Variants in PARVA observed in about 807,000 individuals in gnomAD.
PARVA encodes the protein parvin alpha, also known as alpha-parvin.
In PARVA, 25 loss-of-function variants were observed where a neutral mutation model predicts 52.6. The observed-to-expected ratio is 0.48, with a 90% CI of 0.35 to 0.66. The LOEUF (loss-of-function observed/expected upper bound fraction) is 0.66. PARVA is among the 30% of genes least tolerant of loss of function. PARVA has a pLI of 0.01. For missense variants in PARVA, 373 were observed against 450.9 expected (o/e 0.83, Z 1.56); for synonymous variants, 185 against 179.1 (o/e 1.03, Z -0.26).
intron 1 of PARVA, among the ~76,000 whole-genome samples, chr11:12,470,093 C>G (rs1378747898): frequency 1.3e-5 from 2 of 152,242 alleles, no homozygotes. Flanking sequence ...TGCGTACGCA[C>G]ATGTGCGCAC....
intron 1 of PARVA, among the ~76,000 whole-genome samples, chr11:12,398,732 A>C (rs552929828): frequency 6.6e-6 from 1 of 152,074 alleles, no homozygotes; most frequent in South Asian, 2.1e-4. Flanking sequence ...TAAGGAGCTA[A>C]TTCATGTTAA....
At position 12,418,090 on chromosome 11, in the gene PARVA, C is replaced by T. The variant is rs1257313501; in HGVS notation, c.136+40307C>T. Reference sequence around the variant, plus strand: ...CATTGGAAGGTTCCTGCTGGCACCCCCACTGGGCTCAGATAAGAATCAGGA... The same window carrying T: ...CATTGGAAGGTTCCTGCTGGCACCCTCACTGGGCTCAGATAAGAATCAGGA... On this transcript the variant is annotated intron_variant, in intron 1 of 12. Coordinates refer to ENST00000334956, the MANE Select transcript of PARVA (RefSeq NM_018222.5). 2.6e-5 allele frequency among the ~76,000 whole-genome samples: 4 copies of T among 152,226 alleles called. No homozygotes were observed. The East Asian group carries it at 7.7e-4, about 29-fold the overall frequency.
At chr11:12,505,349 G>A (rs7126366) in intron 6 of PARVA, among the ~76,000 whole-genome samples, 5,142 of 152,286 alleles carry the variant, frequency 0.034, 263 homozygotes, top group African/African-American at 0.11. Flanking sequence ...ACTTTGCCCT[G>A]TCAGACCAGG....
intron 4 of PARVA, among the ~76,000 whole-genome samples, chr11:12,490,233 G>T (rs1209719388): frequency 8.2e-6 from 1 of 121,886 alleles, no homozygotes; most frequent in Non-Finnish European, 1.8e-5. Flanking sequence ...AAAAAAAAAA[G>T]TTAGGAGAGG....
intron 1 of PARVA, among the ~76,000 whole-genome samples, chr11:12,426,006 A>G (rs1589953032): frequency 1.3e-4 from 1 of 7,992 alleles, no homozygotes; most frequent in Non-Finnish European, 5.9e-3. Flanking sequence ...CATTCATTCA[A>G]CAGATGATTG....
chr11:12,395,606 AC>A (rs1288338657), intron 1 of PARVA, among the ~76,000 whole-genome samples: 1 of 152,188 alleles, frequency 6.6e-6, no homozygotes, highest in Admixed American at 6.5e-5. Context: ...CTTGAAAGGT[AC>A]GGTGCGGCCC....
In PARVA at chr11:12,527,917, G is replaced by C; in HGVS notation, c.1111G>C (p.Val371Leu). 1 of 1,611,620 alleles carries C rather than the reference G, an allele frequency of 6.2e-7. No homozygotes were observed. Among genetic ancestry groups the C allele is most frequent in the South Asian group, 1.1e-5 (1 of 91,006 alleles). The change falls in exon 13 of 13, where the codon GTG becomes CTG. Residue 371 changes from valine (V) to leucine (L), a missense_variant. Coordinates refer to ENST00000334956, the MANE Select transcript of PARVA (RefSeq NM_018222.5). ...LYNLFTKYRNVE is the reference protein window; with the variant it reads ...LYNLFTKYRNLE The stretch of plus-strand genomic sequence containing the variant: ...CAACCTCTTCACCAAGTACCGTAAC[G>C]TGGAGTGAGGGGCTGCCCTGGGCCC...
At chr11:12,383,317 G>A (rs531979643) in intron 1 of PARVA, among the ~76,000 whole-genome samples, 6 of 152,256 alleles carry the variant, frequency 3.9e-5, no homozygotes, top group African/African-American at 1.4e-4. Context: ...TCCTCAAGAC[G>A]TGCTCTTTCA....
At chr11:12,491,251 C>A (rs1564861048) in intron 4 of PARVA, among the ~76,000 whole-genome samples, 1 of 152,188 alleles carries the variant, frequency 6.6e-6, no homozygotes, top group African/African-American at 2.4e-5. Context: ...TAGCCTCTAC[C>A]TCCCAGGCTC....
At chr11:12,520,281 A>G (rs1328917874) in intron 12 of PARVA, among the ~76,000 whole-genome samples, 1 of 152,254 alleles carries the variant, frequency 6.6e-6, no homozygotes, top group Non-Finnish European at 1.5e-5. Flanking sequence ...GGGAATGGAA[A>G]TAGCATTTTA....
At chr11:12,504,597 T>C (rs1941410160) in intron 6 of PARVA, among the ~76,000 whole-genome samples, 168 bp downstream of exon 6, 1 of 152,200 alleles carries the variant, frequency 6.6e-6, no homozygotes, top group Admixed American at 6.5e-5. Flanking sequence ...GCATGTTGGC[T>C]TCCCCTGGTA....
intron 1 of PARVA, among the ~76,000 whole-genome samples, chr11:12,420,647 A>G (rs901819280): frequency 6.6e-6 from 1 of 152,234 alleles, no homozygotes; most frequent in Admixed American, 6.5e-5. Context: ...TTTTTAGTGG[A>G]TGATGAGAAT....
chr11:12,496,361 T>TGAGTGCATGCATGCAA, intron 4 of PARVA, 97 bp from the exon 5 acceptor site: 1 of 1,217,472 alleles, frequency 8.2e-7, no homozygotes, highest in Non-Finnish European at 1.1e-6. Context: ...CATGCATGCA[T>TGAGTGCATGCATGCAA]GAGTGCATGA....
At chr11:12,413,952 C>T (rs902516690) in intron 1 of PARVA, among the ~76,000 whole-genome samples, 9 of 152,224 alleles carry the variant, frequency 5.9e-5, no homozygotes, top group Admixed American at 4.6e-4. Flanking sequence ...ACTTTTGTCT[C>T]ATGCCATAGC....
At chr11:12,393,044 GAAAA>G (rs60966710) in intron 1 of PARVA, among the ~76,000 whole-genome samples, 1,502 of 46,044 alleles carry the variant, frequency 0.033, 17 homozygotes, top group African/African-American at 0.083. Flanking sequence ...CCCAAATTGT[GAAAA>G]AAAAAAAAAA....
Position 12,477,883 on chromosome 11 carries a change from G to A in PARVA, c.334G>A (p.Glu112Lys), listed in dbSNP as rs1378439774. ...CTGGATTAATGATGTGTTGGTTGGAGAAAGAATCATTGTGAAAGACCTAGC... is the reference window on the plus strand; with the variant it reads ...CTGGATTAATGATGTGTTGGTTGGAAAAAGAATCATTGTGAAAGACCTAGC... ...IDWINDVLVG[E>K]RIIVKDLAED... The change falls in exon 4 of 13, where the codon GAA (glutamate) becomes AAA (lysine). Residue 112 changes from glutamate to lysine, a missense_variant. Transcript: ENST00000334956. 8.7e-6 allele frequency: 14 copies of A among 1,608,914 alleles called. No individual in the cohort carries two copies. The highest frequency in any genetic ancestry group is 1.2e-5 in the Non-Finnish European group (14 of 1,175,396).
At chr11:12,471,418 T>C (rs1465881509) in intron 1 of PARVA, among the ~76,000 whole-genome samples, 1 of 152,206 alleles carries the variant, frequency 6.6e-6, no homozygotes, top group East Asian at 1.9e-4. Flanking sequence ...GTTTGTTACA[T>C]AGGCAAACTT....
At chr11:12,468,490 A>G (rs766741649) in intron 1 of PARVA, among the ~76,000 whole-genome samples, 4 of 152,162 alleles carry the variant, frequency 2.6e-5, no homozygotes, top group Admixed American at 6.5e-5. Context: ...GGGGGAAATT[A>G]CCATTCATTG....
At position 12,377,708 on chromosome 11, in the gene PARVA, C is replaced by G. The variant is rs753342433; in HGVS notation, c.61C>G (p.Pro21Ala). 2 of 1,566,390 alleles carry G rather than the reference C, an allele frequency of 1.3e-6. No individual in the cohort carries two copies. Among genetic ancestry groups the G allele is most frequent in the Non-Finnish European group, 1.7e-6 (2 of 1,161,074 alleles). The change falls in exon 1 of 13, where the codon CCG becomes GCG. Residue 21 changes from proline to alanine, a missense_variant. Pro to Ala is a conservative substitution (Grantham distance 27). Transcript: ENST00000334956. ...CAAGTCTCCCACTCCCAAGTCGCCCCCGTCCCGCAAGAAAGATGATTCCTT... is the reference window on the plus strand; with the variant it reads ...CAAGTCTCCCACTCCCAAGTCGCCCGCGTCCCGCAAGAAAGATGATTCCTT... Reference protein sequence around the residue: ...VPKSPTPKSPPSRKKDDSFLG... With the variant: ...VPKSPTPKSPASRKKDDSFLG...
Sources: gnomAD v4.1 joint callset for allele counts (sites outside exome capture counted in the v4.1 genomes callset) on GRCh38, gnomAD v4.1.1 for gene constraint, MANE v1.5 for transcripts, NCBI Gene and HGNC (gene_info 2026-07-23, HGNC 2026-07-21) for gene names.